The following C20orf96 variants were observed in gnomAD, a reference collection of about 807,000 sequenced individuals.
C20orf96 encodes the protein chromosome 20 open reading frame 96, also known as uncharacterized protein C20orf96.
C20orf96 carries 57 observed loss-of-function variants against 52.6 expected under a neutral mutation model. That is an observed-to-expected ratio of 1.08 (90% CI 0.88 to 1.35). The LOEUF is 1.35. C20orf96 is among the 40% of genes most tolerant of loss of function. C20orf96 has a pLI of 0.00. For synonymous variants in C20orf96, 168 were observed against 157.2 expected, an observed-to-expected ratio of 1.07 and a Z score of -0.51; for missense variants, 478 against 443.6, an observed-to-expected ratio of 1.08 and a Z score of -0.70.
intron 10 of C20orf96, among the ~76,000 whole-genome samples, chr20:275,533 G>A (rs2011990546): frequency 6.6e-6 from 1 of 152,224 alleles, no homozygotes; most frequent in Non-Finnish European, 1.5e-5. Context: ...CCAAGGAAGG[G>A]CAGGCAAAGA....
chr20:288,174 C>CTTTTTTTTTTTTTTTTTTT (rs1237648367), intron 3 of C20orf96, among the ~76,000 whole-genome samples: 12 of 66,042 alleles, frequency 1.8e-4, no homozygotes, highest in African/African-American at 2.5e-4. Context: ...TTTTCTTTTT[C>CTTTTTTTTTTTTTTTTTTT]TTTTTTTTTT....
chr20:278,872 G>C (rs7270776), intron 5 of C20orf96, among the ~76,000 whole-genome samples: 15,353 of 113,872 alleles, frequency 0.13, 1,298 homozygotes, highest in African/African-American at 0.2. Context: ...CGTCTTCCAG[G>C]TGGAGGAAGC....
chr20:289,475 T>C (rs2012479648), intron 3 of C20orf96, 84 bp downstream of exon 3: 1 of 833,348 alleles, frequency 1.2e-6, no homozygotes, highest in Non-Finnish European at 2.1e-6. Context: ...CCTACCCTAA[T>C]ATAAGTGGTG....
At chr20:274,437 C>T (rs113488744) in intron 10 of C20orf96, among the ~76,000 whole-genome samples, 1 of 152,306 alleles carries the variant, frequency 6.6e-6, no homozygotes, top group African/African-American at 2.4e-5. Context: ...CCTGGCTCCA[C>T]GTGGGTCCAG....
Position 277,305 on chromosome 20 carries a change from ATG to A in C20orf96, c.642_643del (p.Met215GlyfsTer3). The A allele has an allele frequency of 1.9e-6, 3 of 1,614,190 alleles. No individual in the cohort carries two copies. The highest frequency in any genetic ancestry group is 1.7e-6 in the Non-Finnish European group (2 of 1,180,024). ...AGACTTGATGGAATACTCATGGTCC[ATG>A]TAAGTGCTCAGGAAGTTCACTTCCT... On this transcript the variant is annotated frameshift_variant, in exon 7 of 11. Transcript: ENST00000360321. LOFTEE classifies it high-confidence loss of function.
intron 3 of C20orf96, among the ~76,000 whole-genome samples, chr20:284,881 T>C (rs6075684): frequency 0.29 from 44,007 of 152,034 alleles, 7,813 homozygotes; most frequent in East Asian, 0.48. Flanking sequence ...TAAAAATAAA[T>C]TTTTAAAAAT....
chr20:285,731 G>A (rs572200197), intron 3 of C20orf96, among the ~76,000 whole-genome samples: 16 of 152,176 alleles, frequency 1.1e-4, no homozygotes, highest in African/African-American at 2.9e-4. Flanking sequence ...ACAGGTGCCC[G>A]CCACCACACC....
intron 4 of C20orf96, among the ~76,000 whole-genome samples, chr20:283,627 A>G (rs2012306944): frequency 6.6e-6 from 1 of 152,020 alleles, no homozygotes. Context: ...TTTTAAGATA[A>G]ATAAGCCACT....
At position 276,971 on chromosome 20, in the gene C20orf96, C is replaced by G; in HGVS notation, c.825+73G>C. 1.9e-6 allele frequency: 3 copies of G among 1,597,048 alleles called. No individual in the cohort carries two copies. In the South Asian group the frequency reaches 3.4e-5, roughly 18 times the overall value. Reference sequence around the variant, plus strand: ...GATGGGGCTGCAGTGGGCCTGGAGGCAGAGGATGGGGAAGAGGGCGGGGTG... The same window carrying G: ...GATGGGGCTGCAGTGGGCCTGGAGGGAGAGGATGGGGAAGAGGGCGGGGTG... On this transcript the variant is annotated intron_variant, in intron 8 of 10. Coordinates refer to ENST00000360321, the MANE Select transcript of C20orf96 (RefSeq NM_153269.3).
chr20:276,932 A>G, intron 8 of C20orf96, 53 bp from the exon 9 acceptor site: 1 of 1,609,828 alleles, frequency 6.2e-7, no homozygotes, highest in Non-Finnish European at 8.5e-7. Flanking sequence ...GGGCAGCAGA[A>G]CATGGTAGAG....
intron 8 of C20orf96, 65 bp downstream of exon 8, chr20:276,979 G>A: frequency 6.9e-6 from 11 of 1,594,796 alleles, no homozygotes; most frequent in South Asian, 2.2e-5. Flanking sequence ...GGCAGAGGAT[G>A]GGGAAGAGGG....
In C20orf96 at chr20:280,142, G is replaced by A. The variant is rs534047946; in HGVS notation, c.307-812C>T. The stretch of plus-strand genomic sequence containing the variant: ...CACACAACAGCCCCCAGTGGAACAA[G>A]GAGGGTCTGAGGGTTAAGTGACTCG... On this transcript the variant is annotated intron_variant, in intron 4 of 10. Transcript: ENST00000360321. Among the ~76,000 whole-genome samples, 12 of 152,286 alleles carry A rather than the reference G, an allele frequency of 7.9e-5. No homozygotes were observed. The South Asian group carries it at 2.1e-3, about 26-fold the overall frequency.
chr20:287,638 C>T lies in C20orf96; in HGVS notation c.187+1921G>A, dbSNP rs1205859412. 9.9e-5 allele frequency among the ~76,000 whole-genome samples: 15 copies of T among 152,138 alleles called. No individual in the cohort carries two copies. The East Asian group carries it at 2.9e-3, about 29-fold the overall frequency. ...TGTCTTTTCATCCTCCTAAAAAGGT[C>T]TTTCATAAGGCCAGGTGCAGTGGCT... On this transcript the variant is annotated intron_variant, in intron 3 of 10. Transcript: ENST00000360321.
Position 279,238 on chromosome 20 carries a change from G to T in C20orf96, c.399C>A (p.Ile133=), listed in dbSNP as rs778049765. The T allele has an allele frequency of 6.2e-7, 1 of 1,611,090 alleles. No homozygotes were observed. The highest frequency in any genetic ancestry group is 8.5e-7 in the Non-Finnish European group (1 of 1,179,194). ...GGGTCGTGCTGTTCTCCATCTCCTG[G>T]ATGGTCTCGATCAGCTCCCGGTTGA... The part of the protein sequence containing the change: ...SKLNRELIET[I]QEMENSTTLH... Residue 133 remains isoleucine, a synonymous_variant, in exon 5 of 11, where the codon ATC becomes ATA. Transcript: ENST00000360321.
At chr20:285,866 G>A (rs147021811) in intron 3 of C20orf96, among the ~76,000 whole-genome samples, 9 of 152,208 alleles carry the variant, frequency 5.9e-5, no homozygotes, top group Non-Finnish European at 1.0e-4. Context: ...GAGCCACCGC[G>A]CCCGGCCAGA....
At chr20:288,660 A>C (rs1221546855) in intron 3 of C20orf96, among the ~76,000 whole-genome samples, 1 of 152,170 alleles carries the variant, frequency 6.6e-6, no homozygotes, top group African/African-American at 2.4e-5. Context: ...GATGCAGGGC[A>C]ACTTGGCATT....
intron 4 of C20orf96, among the ~76,000 whole-genome samples, chr20:279,839 G>A (rs2012204437): frequency 2.0e-5 from 3 of 152,142 alleles, no homozygotes; most frequent in East Asian, 1.9e-4. Context: ...GCGTGGTGGC[G>A]CGTGCCTGTA....
intron 4 of C20orf96, among the ~76,000 whole-genome samples, chr20:283,288 A>G (rs1230987591): frequency 6.6e-6 from 1 of 152,184 alleles, no homozygotes; most frequent in East Asian, 1.9e-4. Context: ...AGTACACTGT[A>G]AGAAAATTTA....
intron 6 of C20orf96, 21 bp from the exon 7 acceptor site, chr20:277,404 T>A: frequency 6.2e-7 from 1 of 1,611,598 alleles, no homozygotes; most frequent in Non-Finnish European, 8.5e-7. Flanking sequence ...GTTAGGGAGG[T>A]CAGCAGGGAC....
Sources: allele counts gnomAD v4.1 joint callset (sites outside exome capture counted in the v4.1 genomes callset), GRCh38; gene constraint gnomAD v4.1.1; transcripts MANE v1.5; gene names NCBI Gene and HGNC (gene_info 2026-07-23, HGNC 2026-07-21).